POU6F2: variants seen among roughly 807,000 people sequenced by gnomAD.
POU6F2 encodes POU class 6 homeobox 2.
Under a neutral mutation model 71.3 loss-of-function variants are expected in POU6F2, and 31 were observed. The ratio of observed to expected loss-of-function variants is 0.43; its 90% CI spans 0.33 to 0.59. The LOEUF (loss-of-function observed/expected upper bound fraction) is 0.59. POU6F2 is among the 20% of genes least tolerant of loss of function. The pLI is 0.04. For missense variants in POU6F2, 783 were observed against 856.8 expected (o/e 0.91, Z 1.07); for synonymous variants, 347 against 355.7 (o/e 0.98, Z 0.27).
chr7:39,125,496 T>C (rs1792122738), intron 2 of POU6F2, among the ~76,000 whole-genome samples: 1 of 152,176 alleles, frequency 6.6e-6, no homozygotes, highest in Non-Finnish European at 1.5e-5. Flanking sequence ...AACTCCAAGA[T>C]TGAAGCATAT....
chr7:39,108,080 A>G lies in POU6F2; in HGVS notation c.277+22049A>G, dbSNP rs556610359. On this transcript the variant is annotated intron_variant, in intron 2 of 9. Coordinates refer to ENST00000518318, the MANE Select transcript of POU6F2 (RefSeq NM_001370959.1). ...AACTGTGATTCTGAAATTGCTCTCA[A>G]TTCTCCAGCCTGGACATTAAACTGT... is the stretch of plus-strand genomic sequence containing the variant. 2.6e-5 allele frequency among the ~76,000 whole-genome samples: 4 copies of G among 152,262 alleles called. No individual in the cohort carries two copies. In the East Asian group the frequency reaches 5.8e-4, roughly 22 times the overall value.
chr7:39,247,187 G>A (rs1052978561), intron 4 of POU6F2, among the ~76,000 whole-genome samples: 8 of 152,076 alleles, frequency 5.3e-5, no homozygotes, highest in Admixed American at 4.6e-4. Context: ...AATAAATGGA[G>A]GCCAAGCATG....
chr7:39,149,907 A>G (rs1446691170), intron 2 of POU6F2, among the ~76,000 whole-genome samples: 2 of 139,990 alleles, frequency 1.4e-5, no homozygotes, highest in African/African-American at 5.5e-5. Flanking sequence ...TTTTCTTGAG[A>G]CGGAGTCTCG....
At chr7:38,999,017 A>G (rs751466190) in intron 1 of POU6F2, among the ~76,000 whole-genome samples, 3 of 152,064 alleles carry the variant, frequency 2.0e-5, no homozygotes, top group Admixed American at 6.6e-5. Flanking sequence ...GCAAGGGAAG[A>G]AAGAGTAGAC....
At chr7:39,025,639 A>G (rs1789783403) in intron 1 of POU6F2, among the ~76,000 whole-genome samples, 1 of 151,812 alleles carries the variant, frequency 6.6e-6, no homozygotes, top group Admixed American at 6.6e-5. Flanking sequence ...CTAAAACCAT[A>G]AAAACCCTAA....
intron 3 of POU6F2, 69 bp downstream of exon 3, chr7:39,204,395 A>G (rs1562745461): frequency 2.3e-6 from 3 of 1,301,110 alleles, no homozygotes; most frequent in Non-Finnish European, 3.2e-6. Flanking sequence ...ATCACCAAAT[A>G]AATAATAATG....
Position 39,318,005 on chromosome 7 carries a change from T to G in POU6F2, c.599-21637T>G, listed in dbSNP as rs2128768330. 2.6e-5 allele frequency among the ~76,000 whole-genome samples: 4 copies of G among 152,314 alleles called. No homozygotes were observed. The South Asian group carries it at 8.3e-4, about 32-fold the overall frequency. On this transcript the variant is annotated intron_variant, in intron 4 of 9. Coordinates refer to ENST00000518318, the MANE Select transcript of POU6F2 (RefSeq NM_001370959.1). The stretch of plus-strand genomic sequence containing the variant: ...TCCCTTTCTTCGCAGCCTGACTGTC[T>G]CACTAGTAGGAAACGTTTTTTGCTT...
intron 4 of POU6F2, among the ~76,000 whole-genome samples, chr7:39,264,325 C>T (rs1008782235): frequency 1.4e-4 from 22 of 152,294 alleles, no homozygotes; most frequent in South Asian, 2.1e-4. Flanking sequence ...AATGTGGACC[C>T]GTCATTCAAA....
At chr7:39,039,186 G>A (rs1007659953) in intron 1 of POU6F2, among the ~76,000 whole-genome samples, 12 of 151,690 alleles carry the variant, frequency 7.9e-5, no homozygotes, top group African/African-American at 2.7e-4. Context: ...TGATTTTCTC[G>A]ACATTTCTCT....
At chr7:39,463,541 A>G (rs949782729) in intron 9 of POU6F2, among the ~76,000 whole-genome samples, 9 of 152,164 alleles carry the variant, frequency 5.9e-5, no homozygotes, top group Non-Finnish European at 8.8e-5. Context: ...TTTTACCTGG[A>G]AAAAGGGCAT....
At position 39,291,212 on chromosome 7, in the gene POU6F2, A is replaced by C. The variant is rs575834343; in HGVS notation, c.599-48430A>C. Among the ~76,000 whole-genome samples the C allele has an allele frequency of 8.5e-5, 13 of 152,316 alleles. No homozygotes were observed. In the East Asian group the frequency reaches 2.3e-3, roughly 27 times the overall value. ...TCCCATCTAATCACCACTGTCTTTC[A>C]TTTTAGAATAATTAAACATGAGCTA... On this transcript the variant is annotated intron_variant, in intron 4 of 9. Transcript: ENST00000518318.
chr7:39,454,665 T>G (rs1306790317), intron 8 of POU6F2, among the ~76,000 whole-genome samples: 14 of 196 alleles, frequency 0.071, 1 homozygote, highest in South Asian at 0.25. Context: ...GATATATATA[T>G]ATATATATAT....
At position 39,268,851 on chromosome 7, in the gene POU6F2, C is replaced by G. The variant is rs146038931; in HGVS notation, c.598+61231C>G. On this transcript the variant is annotated intron_variant, in intron 4 of 9. Transcript: ENST00000518318. ...TTATTCAGATTTGCCACCAGAGTGA[C>G]TGAGAGTTTTCACCACTTTAAATAA... 1.8e-3 allele frequency among the ~76,000 whole-genome samples: 271 copies of G among 152,326 alleles called. 6 individuals carry two copies. In the South Asian group the frequency reaches 0.051, roughly 29 times the overall value.
At chr7:39,252,399 G>GACAGACACAC (rs1554335522) in intron 4 of POU6F2, among the ~76,000 whole-genome samples, 226 of 144,256 alleles carry the variant, frequency 1.6e-3, no homozygotes, top group African/African-American at 2.8e-3. Flanking sequence ...CAGACAGACA[G>GACAGACACAC]ACACACACAC....
chr7:39,385,073 A>G (rs1786907493), intron 5 of POU6F2, among the ~76,000 whole-genome samples: 1 of 152,258 alleles, frequency 6.6e-6, no homozygotes, highest in Non-Finnish European at 1.5e-5. Flanking sequence ...TATAATACTC[A>G]TAAGCAGAGC....
rs773825714 is a variant in POU6F2 at position 39,339,801 on chromosome 7, C to G, written c.758C>G (p.Pro253Arg). Residue 253 changes from proline to arginine, a missense_variant, in exon 5 of 10, where the codon CCA becomes CGA. Physicochemically the swap from Pro to Arg is moderately radical, Grantham distance 103. This residue lies in a region of POU6F2 where 572 missense variants were observed against 572.9 expected (regional missense o/e 1.00). Coordinates refer to ENST00000518318, the MANE Select transcript of POU6F2 (RefSeq NM_001370959.1). ...QSQQQPLQPT[P>R]PQQPPPASQQ... The stretch of plus-strand genomic sequence containing the variant: ...CAGCAGCAGCCGCTGCAGCCCACCC[C>G]ACCCCAGCAGCCACCACCCGCCTCT... 31 of 1,571,582 alleles carry G rather than the reference C, an allele frequency of 2.0e-5. No homozygotes were observed. The highest frequency in any genetic ancestry group is 2.5e-5 in the Non-Finnish European group (29 of 1,158,956).
intron 2 of POU6F2, among the ~76,000 whole-genome samples, chr7:39,156,929 T>G (rs1161411669): frequency 6.6e-6 from 1 of 152,210 alleles, no homozygotes; most frequent in Non-Finnish European, 1.5e-5. Context: ...CTGGCAGGAC[T>G]GAACAGAATG....
At chr7:39,273,811 A>C (rs1200453862) in intron 4 of POU6F2, among the ~76,000 whole-genome samples, 1 of 152,166 alleles carries the variant, frequency 6.6e-6, no homozygotes, top group Non-Finnish European at 1.5e-5. Flanking sequence ...AGAAAAGTTA[A>C]AGGCACTGCC....
chr7:39,386,890 T>C (rs938041512), intron 5 of POU6F2, among the ~76,000 whole-genome samples: 10 of 152,156 alleles, frequency 6.6e-5, no homozygotes, highest in African/African-American at 9.7e-5. Context: ...ATGATGGTAA[T>C]AGTCAATGTC....
Sources: allele counts gnomAD v4.1 joint callset (sites outside exome capture counted in the v4.1 genomes callset), GRCh38; gene constraint gnomAD v4.1.1; regional missense constraint gnomAD v4.1.1; transcripts MANE v1.5; gene names NCBI Gene and HGNC (gene_info 2026-07-23, HGNC 2026-07-21).